Variants in RBFOX1 observed in about 807,000 individuals in gnomAD.
RBFOX1 encodes the protein RNA binding fox-1 homolog 1.
Under a neutral mutation model 57.7 loss-of-function variants are expected in RBFOX1, and 8 were observed. The ratio of observed to expected loss-of-function variants is 0.14; its 90% confidence interval spans 0.08 to 0.25. The LOEUF is 0.25. Among genes scored for constraint, RBFOX1 ranks in the 10% least tolerant of loss-of-function variants. The pLI is 1.00. For missense variants in RBFOX1, 611 were observed against 548.5 expected (o/e 1.11, Z -1.14); for synonymous variants, 326 against 222.4 (o/e 1.47, Z -4.15).
intron 4 of RBFOX1, among the ~76,000 whole-genome samples, chr16:7,082,459 G>T (rs2059345735): frequency 6.6e-6 from 1 of 151,830 alleles, no homozygotes; most frequent in Non-Finnish European, 1.5e-5. Flanking sequence ...GCATGCACCT[G>T]TGGTCCCAGC....
intron 3 of RBFOX1, among the ~76,000 whole-genome samples, chr16:6,735,707 C>G (rs1275053150): frequency 1.3e-5 from 2 of 152,094 alleles, no homozygotes; most frequent in African/African-American, 2.4e-5. Context: ...CCCCTAGAAA[C>G]TGAATTTGGT....
At chr16:7,431,834 C>T (rs2098683252) in intron 4 of RBFOX1, among the ~76,000 whole-genome samples, 1 of 152,184 alleles carries the variant, frequency 6.6e-6, no homozygotes, top group Non-Finnish European at 1.5e-5. Flanking sequence ...TACCCTAGTG[C>T]AGAACACTTA....
intron 3 of RBFOX1, among the ~76,000 whole-genome samples, chr16:6,953,303 CAGA>C (rs2081135826): frequency 6.6e-6 from 1 of 152,106 alleles, no homozygotes; most frequent in Admixed American, 6.5e-5. Flanking sequence ...TACTCTGAAA[CAGA>C]AGATTTATGG....
chr16:6,969,087 G>C (rs1473028449), intron 3 of RBFOX1, among the ~76,000 whole-genome samples: 1 of 152,058 alleles, frequency 6.6e-6, no homozygotes, highest in Non-Finnish European at 1.5e-5. Context: ...TTACAGGAGA[G>C]ACCTTCTCCT....
chr16:5,415,024 T>C (rs2067124813), intron 1 of RBFOX1, among the ~76,000 whole-genome samples: 1 of 152,168 alleles, frequency 6.6e-6, no homozygotes, highest in African/African-American at 2.4e-5. Flanking sequence ...AACAGTCTTG[T>C]AAGGTTGACC....
intron 5 of RBFOX1, among the ~76,000 whole-genome samples, chr16:7,549,747 G>A (rs1367161069): frequency 6.6e-6 from 1 of 152,056 alleles, no homozygotes; most frequent in African/African-American, 2.4e-5. Context: ...TTCTGGCCAC[G>A]CTGACCACTG....
At chr16:6,903,619 T>A (rs1027948481) in intron 3 of RBFOX1, among the ~76,000 whole-genome samples, 1 of 152,150 alleles carries the variant, frequency 6.6e-6, no homozygotes, top group Non-Finnish European at 1.5e-5. Context: ...TCAACCTGTA[T>A]AAATGCTCCT....
chr16:5,797,847 G>T (rs956907127), intron 3 of RBFOX1, among the ~76,000 whole-genome samples: 18 of 152,152 alleles, frequency 1.2e-4, no homozygotes, highest in Admixed American at 7.2e-4. Context: ...TTGACTTATA[G>T]GTAAGTCATG....
intron 1 of RBFOX1, among the ~76,000 whole-genome samples, chr16:6,243,614 C>T (rs1337008326): frequency 6.6e-6 from 1 of 152,186 alleles, no homozygotes; most frequent in African/African-American, 2.4e-5. Flanking sequence ...CAGGTGGACC[C>T]ACCTCAGATT....
chr16:6,829,626 G>C (rs1408764758), intron 3 of RBFOX1, among the ~76,000 whole-genome samples: 2 of 151,900 alleles, frequency 1.3e-5, no homozygotes, highest in Non-Finnish European at 2.9e-5. Context: ...TTTTAAGACG[G>C]AGTCTCGCTC....
At chr16:6,844,835 C>G (rs561774078) in intron 3 of RBFOX1, among the ~76,000 whole-genome samples, 1 of 152,144 alleles carries the variant, frequency 6.6e-6, no homozygotes, top group African/African-American at 2.4e-5. Context: ...TCTCCATAAC[C>G]TTGCCAGCAC....
At chr16:7,653,707 C>G (rs1359500876) in intron 11 of RBFOX1, 108 bp from the exon 12 acceptor site, 1 of 1,505,966 alleles carries the variant, frequency 6.6e-7, no homozygotes, top group Non-Finnish European at 8.9e-7. Context: ...GGCGGGGGTC[C>G]TGCTGGGACC....
At chr16:7,343,847 C>A (rs997847629) in intron 4 of RBFOX1, among the ~76,000 whole-genome samples, 1 of 152,114 alleles carries the variant, frequency 6.6e-6, no homozygotes, top group Non-Finnish European at 1.5e-5. Flanking sequence ...GCAGTAGTCA[C>A]CCTCTTTGAG....
intron 1 of RBFOX1, among the ~76,000 whole-genome samples, chr16:6,212,035 T>C (rs1452908020): frequency 6.6e-6 from 1 of 151,892 alleles, no homozygotes; most frequent in Non-Finnish European, 1.5e-5. Flanking sequence ...ATTTTTCTTT[T>C]TTAGTAGAGA....
chr16:7,166,140 A>C (rs2079462988), intron 4 of RBFOX1, among the ~76,000 whole-genome samples: 1 of 151,984 alleles, frequency 6.6e-6, no homozygotes, highest in Non-Finnish European at 1.5e-5. Context: ...CAGCCTTCCG[A>C]GTAGATGGGA....
rs1194663760 is a variant in RBFOX1, at chr16:6,927,414, C to CAAAAAAAAAA, written c.-15-124627_-15-124618dup. 2.0e-3 allele frequency among the ~76,000 whole-genome samples: 108 copies of CAAAAAAAAAA among 53,140 alleles called. 10 individuals are homozygous for CAAAAAAAAAA. The highest frequency in any genetic ancestry group is 4.0e-3 in the African/African-American group (37 of 9,274). The allele number at this position is 53,140 out of a possible 152,430, so 34.9% of individuals were successfully genotyped here. A position where few individuals can be genotyped will look rare whatever the true frequency, so the allele number is the denominator to read the frequency against. ...GGCAACAGAGTGAGACGCTTTCTCA[C>CAAAAAAAAAA]AAAAAAAAAAAAAAAAAAAAAAAAA... On this transcript the variant is annotated intron_variant, in intron 3 of 15. Coordinates refer to ENST00000550418, the MANE Select transcript of RBFOX1 (RefSeq NM_018723.4).
At chr16:6,037,926 A>T (rs1485342653) in intron 1 of RBFOX1, 1 of 152,072 alleles carries the variant, frequency 6.6e-6, no homozygotes, top group Non-Finnish European at 1.5e-5. Flanking sequence ...CATAACGCTA[A>T]TGAAAAGACT....
At chr16:6,087,285 C>T (rs1389260772) in intron 1 of RBFOX1, among the ~76,000 whole-genome samples, 1 of 152,076 alleles carries the variant, frequency 6.6e-6, no homozygotes, top group Non-Finnish European at 1.5e-5. Flanking sequence ...TCTGTCTGTC[C>T]AGAGTTTTGT....
intron 4 of RBFOX1, among the ~76,000 whole-genome samples, chr16:7,438,419 G>A (rs1336579449): frequency 2.0e-5 from 3 of 152,010 alleles, no homozygotes; most frequent in South Asian, 2.1e-4. Flanking sequence ...CAGATTAGCC[G>A]TTTTGCCCTG....
Sources: gnomAD v4.1 joint callset for allele counts (sites outside exome capture counted in the v4.1 genomes callset) on GRCh38, gnomAD v4.1.1 for gene constraint, MANE v1.5 for transcripts, NCBI Gene and HGNC (gene_info 2026-07-23, HGNC 2026-07-21) for gene names.